The following MCTP1 variants were observed in gnomAD, a reference collection of about 807,000 sequenced individuals.
The protein encoded by MCTP1 is multiple C2 and transmembrane domain containing 1, also known as multiple C2 and transmembrane domain-containing protein 1.
MCTP1 carries 69 observed loss-of-function variants against 120.6 expected under a neutral mutation model. The ratio of observed to expected loss-of-function variants is 0.57; its 90% confidence interval spans 0.47 to 0.70. The LOEUF is 0.70. MCTP1 is among the 30% of genes least tolerant of loss of function. MCTP1 has a pLI of 0.00. For synonymous variants in MCTP1, 529 were observed against 493.1 expected, an observed-to-expected ratio of 1.07 and a Z score of -0.96; for missense variants, 1,203 against 1,248.8, an observed-to-expected ratio of 0.96 and a Z score of 0.55.
chr5:94,939,844 AT>A (rs1182219659), intron 5 of MCTP1, among the ~76,000 whole-genome samples: 2 of 152,076 alleles, frequency 1.3e-5, no homozygotes, highest in African/African-American at 2.4e-5. Flanking sequence ...GAGAAATAAA[AT>A]AAAAATTCAA....
chr5:95,042,894 A>C (rs1842586226), intron 1 of MCTP1, among the ~76,000 whole-genome samples: 1 of 152,168 alleles, frequency 6.6e-6, no homozygotes, highest in South Asian at 2.1e-4. Flanking sequence ...TTTTCATTAC[A>C]TTTAGATTTC....
intron 2 of MCTP1, among the ~76,000 whole-genome samples, chr5:94,996,195 A>G (rs1370783881): frequency 6.6e-6 from 1 of 152,204 alleles, no homozygotes; most frequent in African/African-American, 2.4e-5. Context: ...AGGAGGCCTA[A>G]TTAACTGAAA....
intron 2 of MCTP1, among the ~76,000 whole-genome samples, chr5:95,007,623 T>C (rs1044947549): frequency 6.6e-6 from 1 of 152,210 alleles, no homozygotes; most frequent in East Asian, 1.9e-4. Flanking sequence ...TTCAGTTTTA[T>C]CAAATTGAAT....
chr5:95,159,388 TAC>T (rs1414199517), intron 1 of MCTP1, among the ~76,000 whole-genome samples: 2 of 152,196 alleles, frequency 1.3e-5, no homozygotes, highest in Non-Finnish European at 2.9e-5. Flanking sequence ...ATCCAAACAT[TAC>T]ACACTTTCTG....
intron 1 of MCTP1, among the ~76,000 whole-genome samples, chr5:95,169,924 T>C (rs1351719945): frequency 1.3e-5 from 2 of 152,198 alleles, no homozygotes; most frequent in African/African-American, 4.8e-5. Context: ...AGTTATTTCT[T>C]GCACAACTTT....
At position 94,897,274 on chromosome 5, in the gene MCTP1, A is replaced by G. The variant is rs190858749; in HGVS notation, c.1653-2439T>C. Among the ~76,000 whole-genome samples the G allele has an allele frequency of 3.3e-3, 474 of 144,372 alleles. 3 individuals carry two copies. The highest frequency in any genetic ancestry group is 4.4e-3 in the Non-Finnish European group (294 of 66,494). The allele number at this position is 144,372 out of a possible 152,430, so 94.7% of individuals were successfully genotyped here. A position where few individuals can be genotyped will look rare whatever the true frequency, so the allele number is the denominator to read the frequency against. On this transcript the variant is annotated intron_variant, in intron 10 of 22. Transcript: ENST00000515393. ...TTTTTTGTAGAGATGGGGTTTTGTC[A>G]TGTTGCCCAGGCTGCTCTTGAACTC...
chr5:94,902,505 A>AG (rs1805788695), intron 10 of MCTP1, among the ~76,000 whole-genome samples: 1 of 152,164 alleles, frequency 6.6e-6, no homozygotes, highest in Non-Finnish European at 1.5e-5. Flanking sequence ...CCTCTATGAG[A>AG]GGGGGTTTTA....
chr5:95,134,980 T>C (rs1402440034), intron 1 of MCTP1, among the ~76,000 whole-genome samples: 2 of 123,072 alleles, frequency 1.6e-5, no homozygotes, highest in Non-Finnish European at 3.2e-5. Flanking sequence ...CGATTTACTG[T>C]TGCCTGATGG....
chr5:94,836,367 C>T (rs1789791272), intron 17 of MCTP1, among the ~76,000 whole-genome samples: 1 of 151,984 alleles, frequency 6.6e-6, no homozygotes, highest in African/African-American at 2.4e-5. Context: ...AAAACGCACA[C>T]ATAGGGCCAA....
Position 95,212,160 on chromosome 5 carries a change from C to T in MCTP1, c.720+71696G>A, listed in dbSNP as rs546721869. Among the ~76,000 whole-genome samples the T allele has an allele frequency of 1.3e-4, 20 of 151,972 alleles. 1 individual carries two copies. Among genetic ancestry groups the T allele is most frequent in the East Asian group, 3.9e-4 (2 of 5,172 alleles). Reference sequence around the variant, plus strand: ...ATAAAAGAGAGAAAAATCAAATAGACGCAATAAAAGATGATAAAGGGGACA... The same window carrying T: ...ATAAAAGAGAGAAAAATCAAATAGATGCAATAAAAGATGATAAAGGGGACA... On this transcript the variant is annotated intron_variant, in intron 1 of 22. Coordinates refer to ENST00000515393, the MANE Select transcript of MCTP1 (RefSeq NM_024717.7).
intron 1 of MCTP1, among the ~76,000 whole-genome samples, chr5:95,135,539 A>G (rs1234684234): frequency 1.3e-5 from 2 of 152,232 alleles, no homozygotes; most frequent in Admixed American, 1.3e-4. Flanking sequence ...TGGGGAAGGC[A>G]GACAATCTGA....
chr5:95,023,810 A>G (rs1218918112), intron 1 of MCTP1, among the ~76,000 whole-genome samples: 1 of 152,232 alleles, frequency 6.6e-6, no homozygotes, highest in Non-Finnish European at 1.5e-5. Context: ...GCTCACATAT[A>G]TTAAAAGCTC....
At chr5:94,724,277 G>A (rs774960057) in intron 19 of MCTP1, among the ~76,000 whole-genome samples, 4 of 152,016 alleles carry the variant, frequency 2.6e-5, no homozygotes, top group African/African-American at 4.8e-5. Flanking sequence ...ATGAGGTCTC[G>A]CTTTGTTGCC....
intron 16 of MCTP1, among the ~76,000 whole-genome samples, chr5:94,869,795 A>T (rs1215006120): frequency 6.6e-6 from 1 of 152,138 alleles, no homozygotes; most frequent in Non-Finnish European, 1.5e-5. Context: ...CTAATTTAAA[A>T]TTATAAGCAA....
At position 95,284,618 on chromosome 5, in the gene MCTP1, T is replaced by C; in HGVS notation, c.-43A>G. The C allele has an allele frequency of 7.4e-7, 1 of 1,343,398 alleles. No homozygotes were observed. Among genetic ancestry groups the C allele is most frequent in the Non-Finnish European group, 9.6e-7 (1 of 1,039,232 alleles). The allele number at this position is 1,343,398 out of a possible 1,614,324, so 83.2% of individuals were successfully genotyped here. On this transcript the variant is annotated 5_prime_UTR_variant, in exon 1 of 23. Transcript: ENST00000515393. This position sits in a 1 kb window ranked among gnomAD's most constrained non-coding sequence, Gnocchi z 5.2. ...TCCTCTCCCCTCCTCCTCCTCCTCC[T>C]CCTCCTGCTTCTCCTCCCTCTTCGG... is the stretch of plus-strand genomic sequence containing the variant.
intron 1 of MCTP1, among the ~76,000 whole-genome samples, chr5:95,058,798 A>G (rs753827627): frequency 2.6e-5 from 4 of 152,128 alleles, no homozygotes; most frequent in Non-Finnish European, 4.4e-5. Context: ...GATAATTGCA[A>G]ACAGGGTTTT....
chr5:94,942,897 T>G (rs1427933085), intron 3 of MCTP1, among the ~76,000 whole-genome samples: 1 of 152,098 alleles, frequency 6.6e-6, no homozygotes, highest in Non-Finnish European at 1.5e-5. Flanking sequence ...AAAGTTATAC[T>G]AAGGTTAAGT....
At chr5:95,262,666 T>C (rs567937149) in intron 1 of MCTP1, among the ~76,000 whole-genome samples, 3 of 152,256 alleles carry the variant, frequency 2.0e-5, no homozygotes, top group Non-Finnish European at 4.4e-5. Flanking sequence ...ATTGTAGCAA[T>C]GTGGGAAATT....
chr5:95,096,218 A>G (rs1194901743), intron 1 of MCTP1, among the ~76,000 whole-genome samples: 1 of 152,208 alleles, frequency 6.6e-6, no homozygotes, highest in Non-Finnish European at 1.5e-5. Context: ...GAAATTTTTG[A>G]TGGTGGTGGA....
Sources: gnomAD v4.1 joint callset for allele counts (sites outside exome capture counted in the v4.1 genomes callset) on GRCh38, gnomAD v4.1.1 for gene constraint, Gnocchi (gnomAD v3.1) non-coding constraint, MANE v1.5 for transcripts, NCBI Gene and HGNC (gene_info 2026-07-23, HGNC 2026-07-21) for gene names.